Variants in DTNA observed in about 807,000 individuals in gnomAD.
The protein encoded by DTNA is dystrobrevin alpha.
DTNA carries 43 observed loss-of-function variants against 100.7 expected under a neutral mutation model. The ratio of observed to expected loss-of-function variants is 0.43; its 90% CI spans 0.33 to 0.55. DTNA has a LOEUF of 0.55. DTNA is among the 20% of genes least tolerant of loss of function. The pLI is 0.04. For synonymous variants in DTNA, 349 were observed against 347.9 expected (o/e 1.00, Z -0.04); for missense variants, 798 against 953.9 (o/e 0.84, Z 2.15).
At chr18:34,507,132 C>A (rs537482728) in intron 1 of DTNA, among the ~76,000 whole-genome samples, 10 of 152,208 alleles carry the variant, frequency 6.6e-5, no homozygotes, top group Admixed American at 3.3e-4. Flanking sequence ...CCTTACTCCC[C>A]CAAATCAATT....
chr18:34,555,531 C>A (rs891662576), intron 1 of DTNA, among the ~76,000 whole-genome samples: 3 of 152,064 alleles, frequency 2.0e-5, no homozygotes, highest in African/African-American at 7.3e-5. Flanking sequence ...AAATTTCCCT[C>A]TACATGCTGC....
rs1350154989 is a variant in DTNA, at chr18:34,715,976, C to G, written c.-2+5531C>G. Among the ~76,000 whole-genome samples, 3 of 152,054 alleles carry G rather than the reference C, an allele frequency of 2.0e-5. No homozygotes were observed. In the East Asian group the frequency reaches 5.8e-4, roughly 29 times the overall value. ...AAAAGGAGGAAGGGGGAGATAATGT[C>G]TGGTTTAGGAAAAGTCTGGAAAATG... On this transcript the variant is annotated intron_variant, in intron 1 of 22. Transcript: ENST00000444659.
At chr18:34,675,941 G>A in intron 1 of DTNA, among the ~76,000 whole-genome samples, 1 of 152,134 alleles carries the variant, frequency 6.6e-6, no homozygotes, top group East Asian at 1.9e-4. Context: ...ATCAGGTAGT[G>A]GCAGTACAGG....
intron 15 of DTNA, among the ~76,000 whole-genome samples, chr18:34,855,899 G>T (rs1445232799): frequency 6.6e-6 from 1 of 152,040 alleles, no homozygotes; most frequent in African/African-American, 2.4e-5. Context: ...GGGAAAGCAG[G>T]ACTTCTTTTG....
intron 1 of DTNA, among the ~76,000 whole-genome samples, chr18:34,566,435 T>A (rs941751644): frequency 6.6e-6 from 1 of 152,192 alleles, no homozygotes; most frequent in Non-Finnish European, 1.5e-5. Flanking sequence ...CATCTAGAAT[T>A]TTTTTACCTA....
intron 3 of DTNA, among the ~76,000 whole-genome samples, chr18:34,786,217 A>G (rs1173149484): frequency 1.3e-5 from 2 of 152,208 alleles, no homozygotes; most frequent in African/African-American, 4.8e-5. Flanking sequence ...ACTTTGTTTG[A>G]TAACTAAAAG....
chr18:34,827,622 A>C lies in DTNA; in HGVS notation c.1031A>C (p.Asp344Ala). Reference sequence around the variant, plus strand: ...CCCAGACCTGTAACCAGCATGAACGACACCCTGTTCTCCCACTCTGTTCCC... The same window carrying C: ...CCCAGACCTGTAACCAGCATGAACGCCACCCTGTTCTCCCACTCTGTTCCC... The part of the protein sequence containing the change: ...VPPRPVTSMN[D>A]TLFSHSVPSS... Residue 344 changes from aspartate to alanine, a missense_variant, in exon 10 of 23, where the codon GAC becomes GCC. Physicochemically the swap from Asp to Ala is moderately radical, Grantham distance 126. Coordinates refer to ENST00000444659, the MANE Select transcript of DTNA (RefSeq NM_001386795.1). The C allele has an allele frequency of 1.2e-6, 2 of 1,613,882 alleles. No homozygotes were observed. Among genetic ancestry groups the C allele is most frequent in the Non-Finnish European group, 1.7e-6 (2 of 1,179,820 alleles).
chr18:34,497,622 T>C (rs777119517), intron 1 of DTNA, among the ~76,000 whole-genome samples: 3 of 152,084 alleles, frequency 2.0e-5, no homozygotes, highest in Non-Finnish European at 4.4e-5. Context: ...ATCTTACTGC[T>C]GAATTAAATT....
intron 5 of DTNA, among the ~76,000 whole-genome samples, chr18:34,808,030 A>G (rs2095408413): frequency 6.6e-6 from 1 of 152,166 alleles, no homozygotes; most frequent in South Asian, 2.1e-4. Flanking sequence ...AGGACATTAG[A>G]TAAATGTAAA....
chr18:34,575,308 A>G (rs2048008195), intron 1 of DTNA, among the ~76,000 whole-genome samples: 1 of 149,346 alleles, frequency 6.7e-6, no homozygotes, highest in Non-Finnish European at 1.5e-5. Context: ...TATTTTTTCA[A>G]GAGTTTGTAA....
intron 1 of DTNA, among the ~76,000 whole-genome samples, chr18:34,532,289 T>A (rs1343818731): frequency 6.6e-6 from 1 of 151,976 alleles, no homozygotes; most frequent in Non-Finnish European, 1.5e-5. Context: ...TTTTGAAAAA[T>A]AATAATGGGG....
intron 1 of DTNA, among the ~76,000 whole-genome samples, chr18:34,628,756 C>T (rs1030766723): frequency 5.9e-5 from 9 of 152,126 alleles, no homozygotes; most frequent in African/African-American, 2.2e-4. Context: ...AAACTCTGTA[C>T]ATTCTTTTTT....
intron 1 of DTNA, among the ~76,000 whole-genome samples, chr18:34,559,659 T>C (rs2046454555): frequency 6.6e-6 from 1 of 152,192 alleles, no homozygotes; most frequent in South Asian, 2.1e-4. Flanking sequence ...CTGTTGGCCA[T>C]GTTCAACTGA....
At chr18:34,508,703 T>C (rs2040739128) in intron 1 of DTNA, among the ~76,000 whole-genome samples, 1 of 152,190 alleles carries the variant, frequency 6.6e-6, no homozygotes, top group South Asian at 2.1e-4. Context: ...CACTTTCAAC[T>C]AGCAATTTGC....
intron 13 of DTNA, among the ~76,000 whole-genome samples, chr18:34,843,920 A>G (rs1033760549): frequency 6.6e-6 from 1 of 152,168 alleles, no homozygotes; most frequent in Non-Finnish European, 1.5e-5. Flanking sequence ...TAATCTGTTG[A>G]AAGAAAAAAG....
rs558798062 is a variant in DTNA at position 34,650,647 on chromosome 18, A to G, written c.-1-105329A>G. Among the ~76,000 whole-genome samples, 24 of 152,296 alleles carry G rather than the reference A, an allele frequency of 1.6e-4. No homozygotes were observed. In the South Asian group the frequency reaches 4.8e-3, roughly 30 times the overall value. On this transcript the variant is annotated intron_variant, in intron 1 of 19. Coordinates refer to the DTNA transcript ENST00000283365. ...TTCAATAAACATTTATTGAGCTTAG[A>G]GACAGACACTATACTAGGCCCAGAA... is the stretch of plus-strand genomic sequence containing the variant.
At chr18:34,720,179 A>G (rs2084984136) in intron 1 of DTNA, among the ~76,000 whole-genome samples, 2 of 152,184 alleles carry the variant, frequency 1.3e-5, no homozygotes, top group African/African-American at 4.8e-5. Context: ...GGACCCAGGC[A>G]GAACCCAACC....
In DTNA at chr18:34,657,330, A is replaced by G. The variant is rs1191806649; in HGVS notation, c.-1-98646A>G. Among the ~76,000 whole-genome samples, 5 of 152,212 alleles carry G rather than the reference A, an allele frequency of 3.3e-5. No homozygotes were observed. The South Asian group carries it at 8.3e-4, about 25-fold the overall frequency. On this transcript the variant is annotated intron_variant, in intron 1 of 19. Coordinates refer to the DTNA transcript ENST00000283365. Reference sequence around the variant, plus strand: ...CTTTTGTGTATTTCCCAAATATGGTACTTTTTTGGTATTGCTCAGCAACAC... The same window carrying G: ...CTTTTGTGTATTTCCCAAATATGGTGCTTTTTTGGTATTGCTCAGCAACAC...
At chr18:34,751,474 G>A (rs16960004) in intron 1 of DTNA, among the ~76,000 whole-genome samples, 19,691 of 152,086 alleles carry the variant, frequency 0.13, 1,439 homozygotes, top group African/African-American at 0.21. Flanking sequence ...GCCCTTTATC[G>A]TCTAAACATG....
Sources: allele counts gnomAD v4.1 joint callset (sites outside exome capture counted in the v4.1 genomes callset), GRCh38; gene constraint gnomAD v4.1.1; transcripts MANE v1.5; gene names NCBI Gene and HGNC (gene_info 2026-07-23, HGNC 2026-07-21).